The following JMJD1C variants were observed in gnomAD, a reference collection of about 807,000 sequenced individuals.
JMJD1C encodes the protein jumonji domain-containing protein 1C.
Under a neutral mutation model 245.3 loss-of-function variants are expected in JMJD1C, and 31 were observed. That is an observed-to-expected ratio of 0.13 (90% confidence interval 0.09 to 0.17). The LOEUF (loss-of-function observed/expected upper bound fraction) is 0.17, where lower values mean the gene tolerates loss of function less well. Ranked by LOEUF, JMJD1C falls within the 10% of genes least tolerant of loss-of-function variation. JMJD1C has a pLI of 1.00. For synonymous variants in JMJD1C, 1,057 were observed against 1,017.4 expected (o/e 1.04, Z -0.74); for missense variants, 2,691 against 3,000.2 (o/e 0.90, Z 2.41).
intron 1 of JMJD1C, among the ~76,000 whole-genome samples, chr10:63,406,465 A>G (rs750430215): frequency 4.6e-5 from 7 of 152,184 alleles, no homozygotes; most frequent in Non-Finnish European, 1.0e-4. Flanking sequence ...ATATGTGTCC[A>G]TATCAAAGTC....
At chr10:63,404,906 TC>T (rs1040187320) in intron 1 of JMJD1C, among the ~76,000 whole-genome samples, 1 of 152,184 alleles carries the variant, frequency 6.6e-6, no homozygotes, top group African/African-American at 2.4e-5. Context: ...TAACACTTGT[TC>T]TAAGTCCATT....
intron 2 of JMJD1C, among the ~76,000 whole-genome samples, chr10:63,301,414 A>C (rs1270357210): frequency 1.3e-5 from 2 of 152,258 alleles, no homozygotes; most frequent in Admixed American, 6.5e-5. Flanking sequence ...CACCTAGTTT[A>C]TCACACAGGC....
chr10:63,511,373 G>A (rs575435812), intron 1 of JMJD1C, among the ~76,000 whole-genome samples: 2 of 152,276 alleles, frequency 1.3e-5, no homozygotes, highest in South Asian at 4.1e-4. Flanking sequence ...TGAACTGCAT[G>A]GGTCCTCTTA....
chr10:63,226,714 CAAA>C (rs35375607), intron 3 of JMJD1C, among the ~76,000 whole-genome samples: 3 of 84,934 alleles, frequency 3.5e-5, no homozygotes, highest in African/African-American at 9.8e-5. Context: ...AACCCTGTTT[CAAA>C]AAAAAAAAAA....
At chr10:63,498,595 G>A (rs1253225082) in intron 1 of JMJD1C, among the ~76,000 whole-genome samples, 2 of 151,326 alleles carry the variant, frequency 1.3e-5, no homozygotes, top group Non-Finnish European at 3.0e-5. Context: ...GTGGGGCCCC[G>A]ACCCTACACC....
chr10:63,288,468 G>A (rs896956965), intron 2 of JMJD1C, among the ~76,000 whole-genome samples: 4 of 152,126 alleles, frequency 2.6e-5, no homozygotes, highest in Non-Finnish European at 5.9e-5. Flanking sequence ...CCATGTTTAG[G>A]TTTTGGGGTA....
intron 1 of JMJD1C, among the ~76,000 whole-genome samples, chr10:63,391,012 A>T (rs1055833196): frequency 6.6e-6 from 1 of 152,200 alleles, no homozygotes; most frequent in Non-Finnish European, 1.5e-5. Flanking sequence ...CAGGCAAAAT[A>T]AGGAAATAAA....
chr10:63,448,846 G>T (rs568866947), intron 1 of JMJD1C, among the ~76,000 whole-genome samples: 1 of 152,284 alleles, frequency 6.6e-6, no homozygotes, highest in Admixed American at 6.5e-5. Flanking sequence ...GGTCGGGCGC[G>T]GTGGCTCACA....
At chr10:63,396,504 C>G (rs1266054670) in intron 1 of JMJD1C, among the ~76,000 whole-genome samples, 1 of 152,164 alleles carries the variant, frequency 6.6e-6, no homozygotes, top group African/African-American at 2.4e-5. Context: ...ACGCTGCCAA[C>G]TTGAGATTAA....
chr10:63,207,465 C>T lies in JMJD1C; in HGVS notation c.4204G>A (p.Ala1402Thr). 6.2e-7 allele frequency: 1 copy of T among 1,614,186 alleles called. No individual in the cohort carries two copies. Among genetic ancestry groups the T allele is most frequent in the Non-Finnish European group, 8.5e-7 (1 of 1,180,024 alleles). The stretch of plus-strand genomic sequence containing the variant: ...CTGGAAACACTGGTAGTATCGGCAG[C>T]AGATGTGATTACATCCGTTTTGGTA... ...CNTKTDVITS[A>T]ADTTSVSSWG... Residue 1402 changes from alanine to threonine, a missense_variant, in exon 10 of 26, where the codon GCT (alanine) becomes ACT (threonine). Ala to Thr is a moderately conservative substitution (Grantham distance 58, BLOSUM62 0). This residue lies in a region of JMJD1C where 1,562 missense variants were observed against 1,490.7 expected (regional missense o/e 1.05). Transcript: ENST00000399262.
At chr10:63,344,601 A>C (rs2134246929) in intron 2 of JMJD1C, among the ~76,000 whole-genome samples, 1 of 152,322 alleles carries the variant, frequency 6.6e-6, no homozygotes, top group South Asian at 2.1e-4. Flanking sequence ...ACTTCATGAT[A>C]ATTAAGATCT....
chr10:63,391,665 A>G (rs1276061847), intron 1 of JMJD1C, among the ~76,000 whole-genome samples: 1 of 152,208 alleles, frequency 6.6e-6, no homozygotes, highest in Non-Finnish European at 1.5e-5. Context: ...ACACAAATAG[A>G]AAGACATCCC....
chr10:63,496,908 C>A (rs1401480209), intron 1 of JMJD1C, among the ~76,000 whole-genome samples: 2 of 151,986 alleles, frequency 1.3e-5, no homozygotes, highest in East Asian at 3.9e-4. Context: ...ACAAGATGTC[C>A]CAAAGAAGGG....
At chr10:63,325,440 A>G (rs1349803364) in intron 2 of JMJD1C, among the ~76,000 whole-genome samples, 4 of 152,130 alleles carry the variant, frequency 2.6e-5, no homozygotes, top group Non-Finnish European at 4.4e-5. Flanking sequence ...TCCGCGCTCA[A>G]TCAATTTTTA....
chr10:63,341,212 A>G (rs1036264831), intron 2 of JMJD1C, among the ~76,000 whole-genome samples: 5 of 152,246 alleles, frequency 3.3e-5, no homozygotes, highest in African/African-American at 1.2e-4. Flanking sequence ...AAGGCACAGC[A>G]TTGCATTTTT....
At chr10:63,235,383 G>T (rs1850612187) in intron 3 of JMJD1C, among the ~76,000 whole-genome samples, 1 of 152,092 alleles carries the variant, frequency 6.6e-6, no homozygotes, top group Non-Finnish European at 1.5e-5. Context: ...TGTAATCCCA[G>T]CTATCAGGGA....
intron 3 of JMJD1C, chr10:63,222,781 G>C (rs1433029021): frequency 6.8e-7 from 1 of 1,473,122 alleles, no homozygotes; most frequent in Admixed American, 1.7e-5. Flanking sequence ...TGGAAGTTTT[G>C]AAGTCAATTC....
chr10:63,179,635 T>C (rs775237565), intron 22 of JMJD1C, among the ~76,000 whole-genome samples: 2 of 151,914 alleles, frequency 1.3e-5, no homozygotes, highest in African/African-American at 2.4e-5. Context: ...TAGCCAGGCA[T>C]GGTGGCGCCT....
At chr10:63,377,969 C>A (rs1000913687) in intron 2 of JMJD1C, among the ~76,000 whole-genome samples, 1 of 147,264 alleles carries the variant, frequency 6.8e-6, no homozygotes, top group African/African-American at 2.5e-5. Flanking sequence ...GAAAATATAT[C>A]AAAAATTATA....
Sources: allele counts gnomAD v4.1 joint callset (sites outside exome capture counted in the v4.1 genomes callset), GRCh38; gene constraint gnomAD v4.1.1; regional missense constraint gnomAD v4.1.1; transcripts MANE v1.5; gene names NCBI Gene and HGNC (gene_info 2026-07-23, HGNC 2026-07-21).